The following TNRC6C variants were observed in gnomAD, a reference collection of about 807,000 sequenced individuals.
The protein encoded by TNRC6C is trinucleotide repeat-containing gene 6C protein.
TNRC6C carries 20 observed loss-of-function variants against 153.7 expected under a neutral mutation model. That is an observed-to-expected ratio of 0.13 (90% CI 0.09 to 0.19). The LOEUF is 0.19. Among genes scored for constraint, TNRC6C ranks in the 10% least tolerant of loss-of-function variants. The probability of loss-of-function intolerance (pLI) is 1.00; values close to 1 mark genes in which losing one functional copy is unlikely to be tolerated. For synonymous variants in TNRC6C, 811 were observed against 841.4 expected (o/e 0.96, Z 0.63); for missense variants, 1,987 against 2,172.0 (o/e 0.91, Z 1.69).
At chr17:77,961,612 G>A (rs1464332530) in intron 1 of TNRC6C, among the ~76,000 whole-genome samples, 1 of 152,134 alleles carries the variant, frequency 6.6e-6, no homozygotes, top group Non-Finnish European at 1.5e-5. Flanking sequence ...TTCGTCCTTC[G>A]TGTTTATTGC....
At chr17:78,077,630 C>T in intron 9 of TNRC6C, 1 of 416,748 alleles carries the variant, frequency 2.4e-6, no homozygotes, top group South Asian at 2.5e-5. Flanking sequence ...GCACAGTGGT[C>T]TTCGGCTGCC....
intron 2 of TNRC6C, among the ~76,000 whole-genome samples, chr17:78,032,145 C>G (rs567861731): frequency 5.1e-4 from 77 of 152,324 alleles, no homozygotes; most frequent in African/African-American, 1.8e-3. Context: ...CTTTAGAACC[C>G]AGAAGTGAAA....
At chr17:77,994,659 C>A (rs2071301056) in intron 1 of TNRC6C, among the ~76,000 whole-genome samples, 1 of 152,030 alleles carries the variant, frequency 6.6e-6, no homozygotes, top group Non-Finnish European at 1.5e-5. Flanking sequence ...TTTGTCCTTT[C>A]TTTTTTGTAA....
rs895176843 is a variant in TNRC6C, at chr17:78,098,049, C to T, written c.4307-294C>T. ...GGCACGCTGGGCACATCAGCTTGCA[C>T]GCACATGGAAGTGGTAACGTCTTCT... On this transcript the variant is annotated intron_variant, in intron 16 of 19. Coordinates refer to ENST00000301624, the Ensembl canonical transcript of TNRC6C. 4.6e-5 allele frequency among the ~76,000 whole-genome samples: 7 copies of T among 152,348 alleles called. No individual in the cohort carries two copies. In the South Asian group the frequency reaches 6.2e-4, roughly 14 times the overall value.
At chr17:78,037,897 G>A (rs2072211128) in intron 2 of TNRC6C, among the ~76,000 whole-genome samples, 1 of 152,176 alleles carries the variant, frequency 6.6e-6, no homozygotes. Flanking sequence ...ATCACTTTGA[G>A]CTGTGATCCT....
chr17:77,966,586 C>T (rs1317595213), intron 1 of TNRC6C, among the ~76,000 whole-genome samples: 1 of 152,180 alleles, frequency 6.6e-6, no homozygotes, highest in Non-Finnish European at 1.5e-5. Context: ...GTTAAATACA[C>T]ATAGTACATT....
chr17:78,036,876 A>G (rs1238374393), intron 2 of TNRC6C, among the ~76,000 whole-genome samples: 46 of 151,924 alleles, frequency 3.0e-4, no homozygotes, highest in Non-Finnish European at 4.4e-5. Flanking sequence ...GTGAGCTGAG[A>G]TCACACCACT....
exon 14 of TNRC6C, chr17:78,091,512 A>T (rs775674276): frequency 1.9e-6 from 3 of 1,609,894 alleles, no homozygotes; most frequent in Non-Finnish European, 2.5e-6. Flanking sequence ...GACCCATCCC[A>T]GTCCCAGTCA....
At chr17:77,960,870 G>C (rs540157639) in intron 1 of TNRC6C, among the ~76,000 whole-genome samples, 1 of 152,306 alleles carries the variant, frequency 6.6e-6, no homozygotes, top group Non-Finnish European at 1.5e-5. Flanking sequence ...GTAATGATGT[G>C]AACAGTTGTA....
intron 1 of TNRC6C, among the ~76,000 whole-genome samples, chr17:78,007,051 C>A (rs1162496076): frequency 6.6e-6 from 1 of 151,496 alleles, no homozygotes; most frequent in Admixed American, 6.6e-5. Flanking sequence ...CCATGTTGGC[C>A]AGGTTGGTCT....
upstream of TNRC6C, among the ~76,000 whole-genome samples, chr17:77,958,417 G>A (rs367663231): frequency 2.1e-4 from 32 of 151,872 alleles, no homozygotes; most frequent in African/African-American, 4.8e-4. Flanking sequence ...CGCACCGCTC[G>A]CACCCCGGCG....
exon 3 of TNRC6C, chr17:78,049,000 T>G: frequency 5.6e-6 from 8 of 1,417,130 alleles, no homozygotes; most frequent in Non-Finnish European, 7.4e-6. Flanking sequence ...AGAGACTGAA[T>G]CTGCCTCAGA....
intron 11 of TNRC6C, among the ~76,000 whole-genome samples, chr17:78,085,947 A>G (rs4789531): frequency 0.21 from 31,674 of 151,936 alleles, 3,738 homozygotes; most frequent in East Asian, 0.37. Flanking sequence ...AACACTAAAC[A>G]GGTATTGACT....
At chr17:78,098,254 G>A in intron 16 of TNRC6C, 89 bp from the exon 20 acceptor site, 1 of 1,291,926 alleles carries the variant, frequency 7.7e-7, no homozygotes, top group Non-Finnish European at 1.1e-6. Context: ...GCTGGTGTTA[G>A]AGAGCACTCT....
chr17:78,093,224 G>T, intron 15 of TNRC6C, 100 bp downstream of exon 17: 1 of 1,282,530 alleles, frequency 7.8e-7, no homozygotes. Flanking sequence ...TCTGAGCTAA[G>T]GATCTGGAAG....
intron 1 of TNRC6C, among the ~76,000 whole-genome samples, chr17:77,968,199 A>G (rs2070913381): frequency 6.7e-6 from 1 of 150,090 alleles, no homozygotes; most frequent in African/African-American, 2.5e-5. Context: ...CGCCCAGCTA[A>G]TTTTTTGTAT....
At chr17:78,063,150 G>A (rs1213019292) in intron 3 of TNRC6C, among the ~76,000 whole-genome samples, 1 of 151,702 alleles carries the variant, frequency 6.6e-6, no homozygotes, top group African/African-American at 2.4e-5. Flanking sequence ...GGAGACTGAG[G>A]CATGAGAACC....
intron 1 of TNRC6C, among the ~76,000 whole-genome samples, chr17:77,988,930 G>A (rs1385868211): frequency 6.6e-6 from 1 of 152,196 alleles, no homozygotes; most frequent in East Asian, 1.9e-4. Context: ...CTCCACGAAA[G>A]CAGGGACCTA....
In TNRC6C at chr17:78,071,957, T is replaced by C. The variant is rs1470890599; in HGVS notation, c.2859+792T>C. On this transcript the variant is annotated intron_variant, in intron 6 of 19. Transcript: ENST00000301624. ...ACCACAGTCTGTTCAATTCCTGAGA[T>C]TGGATGGCAGTTCAGATGGCAAGGG... Among the ~76,000 whole-genome samples, 8 of 152,228 alleles carry C rather than the reference T, an allele frequency of 5.3e-5. 1 individual carries two copies. In the South Asian group the frequency reaches 1.2e-3, roughly 24 times the overall value.
Sources: allele counts gnomAD v4.1 joint callset (sites outside exome capture counted in the v4.1 genomes callset), GRCh38; gene constraint gnomAD v4.1.1; transcripts MANE v1.5; gene names NCBI Gene and HGNC (gene_info 2026-07-23, HGNC 2026-07-21).